Variants in DNAH8 observed in about 807,000 individuals in gnomAD.
The protein encoded by DNAH8 is axonemal beta dynein heavy chain 8.
Under a neutral mutation model 562.1 loss-of-function variants are expected in DNAH8, and 382 were observed. The observed-to-expected ratio is 0.68, with a 90% CI of 0.63 to 0.74. DNAH8 has a LOEUF of 0.74. Ranked by LOEUF, DNAH8 falls within the 30% of genes least tolerant of loss-of-function variation. The pLI, the probability that DNAH8 is intolerant of heterozygous loss-of-function variation, is 0.00. For synonymous variants in DNAH8, 1,881 were observed against 1,919.4 expected, an observed-to-expected ratio of 0.98 and a Z score of 0.52; for missense variants, 5,203 against 5,620.4, an observed-to-expected ratio of 0.93 and a Z score of 2.37.
chr6:38,955,881 C>T (rs563524106), intron 82 of DNAH8, among the ~76,000 whole-genome samples: 1 of 152,292 alleles, frequency 6.6e-6, no homozygotes, highest in Non-Finnish European at 1.5e-5. Flanking sequence ...CAAACTGACA[C>T]CCAAATGGCA....
In DNAH8 at chr6:38,826,407, A is replaced by AT. The variant is rs34231573; in HGVS notation, c.4083+25dup. The AT allele has an allele frequency of 0.2, 293,925 of 1,472,120 alleles. 26,613 individuals carry two copies. Among genetic ancestry groups the AT allele is most frequent in the Middle Eastern group, 0.25 (1,376 of 5,554 alleles). 91.2% of individuals were successfully genotyped at this position (1,472,120 alleles called of 1,614,324 possible). On this transcript the variant is annotated intron_variant, in intron 29 of 92. Transcript: ENST00000327475. ...ACCAATTGAAGTAAGAAATGATTGCATTTTTTTTTCTTGGAATGCTTTTTT... is the reference window on the plus strand; with the variant it reads ...ACCAATTGAAGTAAGAAATGATTGCATTTTTTTTTTCTTGGAATGCTTTTTT...
chr6:38,780,588 G>A (rs539589714), intron 15 of DNAH8, among the ~76,000 whole-genome samples: 1 of 152,234 alleles, frequency 6.6e-6, no homozygotes, highest in Non-Finnish European at 1.5e-5. Context: ...ACTAGTGCAG[G>A]AACAGAAAAC....
chr6:38,777,267 T>C (rs1768160797), intron 13 of DNAH8, among the ~76,000 whole-genome samples: 1 of 152,058 alleles, frequency 6.6e-6, no homozygotes, highest in Admixed American at 6.6e-5. Context: ...TGGGAATTTT[T>C]GAAAAACTTG....
chr6:38,778,362 A>G, intron 13 of DNAH8, 26 bp from the exon 14 acceptor site: 2 of 1,266,656 alleles, frequency 1.6e-6, no homozygotes, highest in South Asian at 1.3e-5. Context: ...ACCAAAAATC[A>G]TTTAAATATT....
intron 89 of DNAH8, among the ~76,000 whole-genome samples, chr6:39,009,638 C>T (rs1766051589): frequency 6.6e-6 from 1 of 152,154 alleles, no homozygotes; most frequent in African/African-American, 2.4e-5. Context: ...ACACTCAGTG[C>T]TCAGGACAGC....
intron 70 of DNAH8, 129 bp downstream of exon 70, chr6:38,918,269 T>C: frequency 1.6e-6 from 1 of 620,206 alleles, no homozygotes. Context: ...AAATTTGTCT[T>C]TTTTCTCTAT....
At chr6:38,885,514 G>T (rs1450426856) in intron 56 of DNAH8, among the ~76,000 whole-genome samples, 1 of 152,018 alleles carries the variant, frequency 6.6e-6, no homozygotes, top group Admixed American at 6.6e-5. Context: ...ACACTCTTCT[G>T]GTCAACATCC....
intron 17 of DNAH8, 127 bp from the exon 18 acceptor site, chr6:38,786,636 TGG>T: frequency 1.2e-6 from 1 of 857,382 alleles, no homozygotes; most frequent in Non-Finnish European, 1.8e-6. Flanking sequence ...CCTTAGCACC[TGG>T]GGCATCCAAA....
chr6:38,945,195 A>C (rs1405029424), intron 79 of DNAH8, among the ~76,000 whole-genome samples: 1 of 152,228 alleles, frequency 6.6e-6, no homozygotes, highest in East Asian at 1.9e-4. Context: ...AATAAAAAGC[A>C]AACAAATATA....
chr6:38,798,532 G>A (rs992725543), intron 21 of DNAH8, among the ~76,000 whole-genome samples: 18 of 152,300 alleles, frequency 1.2e-4, no homozygotes, highest in African/African-American at 4.1e-4. Context: ...GGTAGTATTT[G>A]CAGTGACATT....
intron 38 of DNAH8, among the ~76,000 whole-genome samples, chr6:38,850,820 C>G (rs1451395911): frequency 6.6e-6 from 1 of 152,196 alleles, no homozygotes; most frequent in African/African-American, 2.4e-5. Flanking sequence ...CTGTCTCTGT[C>G]TTCACTTGGC....
In DNAH8 at chr6:38,739,641, A is replaced by AAAAT. The variant is rs577875724; in HGVS notation, c.1116+1681_1116+1684dup. On this transcript the variant is annotated intron_variant, in intron 7 of 92. Coordinates refer to ENST00000327475, the MANE Select transcript of DNAH8 (RefSeq NM_001206927.2). ...GGGGAACGCAGTGAGACCCAGCCTCAAAATAAATAAATAAAGAAAAGAAAA... is the reference window on the plus strand; with the variant it reads ...GGGGAACGCAGTGAGACCCAGCCTCAAAATAAATAAATAAATAAAGAAAAGAAAA... 7.9e-5 allele frequency among the ~76,000 whole-genome samples: 12 copies of AAAAT among 152,250 alleles called. No homozygotes were observed. In the East Asian group the frequency reaches 1.9e-3, roughly 24 times the overall value.
chr6:38,866,042 C>T (rs1172321634), intron 45 of DNAH8, among the ~76,000 whole-genome samples: 1 of 152,180 alleles, frequency 6.6e-6, no homozygotes, highest in African/African-American at 2.4e-5. Context: ...TTGTCCATTT[C>T]AGTGTTTTTC....
chr6:38,929,562 TCCTTGGGCCGACC>T lies in DNAH8; in HGVS notation c.11175_11187del (p.Leu3725PhefsTer18). 1.2e-6 allele frequency: 2 copies of T among 1,613,100 alleles called. No homozygotes were observed. Among genetic ancestry groups the T allele is most frequent in the Non-Finnish European group, 1.7e-6 (2 of 1,179,484 alleles). On this transcript the variant is annotated frameshift_variant, in exon 75 of 93. Coordinates refer to ENST00000327475, the MANE Select transcript of DNAH8 (RefSeq NM_001206927.2). LOFTEE classifies it high-confidence loss of function. Reference sequence around the variant, plus strand: ...TCGCACACACTTGGAGGACAGCCTTTCCTTGGGCCGACCCCTTCTCATTGAGGACATTCATGAA... The same window carrying T: ...TCGCACACACTTGGAGGACAGCCTTTCCTTCTCATTGAGGACATTCATGAA...
chr6:38,779,993 G>C lies in DNAH8; in HGVS notation c.2067G>C (p.Leu689=). 1.2e-6 allele frequency: 2 copies of C among 1,613,950 alleles called. No homozygotes were observed. Among genetic ancestry groups the C allele is most frequent in the Non-Finnish European group, 1.7e-6 (2 of 1,179,960 alleles). ...QRFQKLNIPC[L]GLEINHTIER... ...TTCAGAAGCTGAACATTCCCTGTCT[G>C]GGATTAGAAATAAACCACACAATAG... is the stretch of plus-strand genomic sequence containing the variant. The change falls in exon 15 of 93, where the codon CTG becomes CTC. Residue 689 remains leucine, a synonymous_variant. Transcript: ENST00000327475.
rs1372342002 is a variant in DNAH8 at position 38,715,960 on chromosome 6, A to ATAT, written c.-35+546_-35+547insATT. ...TATATATATATATATATATATATATATTTTTTTTTTTTTTTTGAGACGGAG... is the reference window on the plus strand; with the variant it reads ...TATATATATATATATATATATATATATATTTTTTTTTTTTTTTTTGAGACGGAG... On this transcript the variant is annotated intron_variant, in intron 1 of 92. Coordinates refer to ENST00000327475, the MANE Select transcript of DNAH8 (RefSeq NM_001206927.2). Among the ~76,000 whole-genome samples the ATAT allele has an allele frequency of 9.4e-3, 221 of 23,606 alleles. 4 individuals carry two copies. The highest frequency in any genetic ancestry group is 0.011 in the Non-Finnish European group (181 of 16,024). The allele number at this position is 23,606 out of a possible 152,430, so 15.5% of individuals were successfully genotyped here.
chr6:38,862,914 T>G (rs1244093909), intron 44 of DNAH8, among the ~76,000 whole-genome samples: 1 of 152,114 alleles, frequency 6.6e-6, no homozygotes, highest in African/African-American at 2.4e-5. Context: ...AAAAAAATAT[T>G]TGAAGACACA....
chr6:38,762,996 T>G (rs1582936934), intron 11 of DNAH8: 1 of 392,014 alleles, frequency 2.6e-6, no homozygotes, highest in East Asian at 7.7e-5. Flanking sequence ...GTTCTTGGAC[T>G]TAGCCATGTA....
intron 1 of DNAH8, 104 bp from the exon 2 acceptor site, chr6:38,722,672 G>A: frequency 2.1e-6 from 2 of 957,136 alleles, no homozygotes; most frequent in East Asian, 5.3e-5. Flanking sequence ...TATGGCAAGG[G>A]AGAACTTAAT....
Sources: gnomAD v4.1 joint callset for allele counts (sites outside exome capture counted in the v4.1 genomes callset) on GRCh38, gnomAD v4.1.1 for gene constraint, MANE v1.5 for transcripts, NCBI Gene and HGNC (gene_info 2026-07-23, HGNC 2026-07-21) for gene names.